KCNIP4: variants seen among roughly 807,000 people sequenced by gnomAD.
KCNIP4 encodes Kv channel-interacting protein 4.
KCNIP4 carries 12 observed loss-of-function variants against 34.0 expected under a neutral mutation model. The observed-to-expected ratio is 0.35, with a 90% CI of 0.23 to 0.57. The LOEUF (loss-of-function observed/expected upper bound fraction) is 0.57, where lower values mean the gene tolerates loss of function less well. Ranked by LOEUF, KCNIP4 falls within the 20% of genes least tolerant of loss-of-function variation. The pLI is 0.83. For synonymous variants in KCNIP4, 124 were observed against 102.2 expected (o/e 1.21, Z -1.29); for missense variants, 238 against 311.7 (o/e 0.76, Z 1.78).
intron 1 of KCNIP4, among the ~76,000 whole-genome samples, chr4:21,446,119 A>C (rs1445840588): frequency 6.6e-6 from 1 of 152,172 alleles, no homozygotes; most frequent in Non-Finnish European, 1.5e-5. Context: ...AAACGTCAGG[A>C]AACAACAGGT....
chr4:21,361,486 TA>T (rs35509719), intron 1 of KCNIP4, among the ~76,000 whole-genome samples: 3,981 of 149,472 alleles, frequency 0.027, 204 homozygotes, highest in East Asian at 0.2. Flanking sequence ...CAGTTAATAC[TA>T]AAAAAAAAAT....
chr4:21,872,473 A>G (rs921402411), intron 1 of KCNIP4, among the ~76,000 whole-genome samples: 2 of 152,204 alleles, frequency 1.3e-5, no homozygotes, highest in Non-Finnish European at 2.9e-5. Context: ...GATTGTAGGT[A>G]TGAATAGACT....
intron 1 of KCNIP4, among the ~76,000 whole-genome samples, chr4:21,753,461 A>G (rs1260820666): frequency 6.6e-6 from 1 of 152,186 alleles, no homozygotes; most frequent in Non-Finnish European, 1.5e-5. Flanking sequence ...CCTCAGGCAG[A>G]GTTTGGAACC....
intron 1 of KCNIP4, among the ~76,000 whole-genome samples, chr4:21,124,420 A>T (rs556519383): frequency 3.3e-5 from 5 of 152,108 alleles, no homozygotes; most frequent in African/African-American, 1.2e-4. Flanking sequence ...ATCTTGAGAA[A>T]TTTTTTCATC....
intron 1 of KCNIP4, among the ~76,000 whole-genome samples, chr4:21,114,179 C>G (rs1304158447): frequency 6.6e-6 from 1 of 152,162 alleles, no homozygotes. Context: ...AAGGCCTCCT[C>G]TTTTGTCTCT....
chr4:21,234,768 C>G (rs1759223830), intron 1 of KCNIP4, among the ~76,000 whole-genome samples: 2 of 151,394 alleles, frequency 1.3e-5, no homozygotes, highest in South Asian at 2.1e-4. Context: ...CTGCCTCAGC[C>G]TCCTGAGTAG....
At chr4:20,923,407 G>A (rs150874828) in intron 1 of KCNIP4, among the ~76,000 whole-genome samples, 1 of 152,158 alleles carries the variant, frequency 6.6e-6, no homozygotes, top group African/African-American at 2.4e-5. Flanking sequence ...TGAGAATGAG[G>A]TATCTGCAGT....
intron 3 of KCNIP4, among the ~76,000 whole-genome samples, chr4:20,781,224 C>A (rs1282000977): frequency 6.6e-6 from 1 of 152,154 alleles, no homozygotes; most frequent in Non-Finnish European, 1.5e-5. Context: ...AATTAATCTG[C>A]AAACACATTA....
chr4:21,889,571 G>A (rs1207875011), intron 1 of KCNIP4, among the ~76,000 whole-genome samples: 1 of 152,060 alleles, frequency 6.6e-6, no homozygotes, highest in African/African-American at 2.4e-5. Flanking sequence ...GAGGCCAGAG[G>A]TTTCTCTTGG....
chr4:20,775,033 T>G (rs1173722450), intron 3 of KCNIP4, among the ~76,000 whole-genome samples: 2 of 152,194 alleles, frequency 1.3e-5, no homozygotes, highest in Non-Finnish European at 2.9e-5. Flanking sequence ...CAGAGTTGAA[T>G]TTTTACCTCT....
rs1265377271 is a variant in KCNIP4, at chr4:20,945,766, A to G, written c.62-63057T>C. Among the ~76,000 whole-genome samples the G allele has an allele frequency of 2.6e-5, 4 of 152,120 alleles. No individual in the cohort carries two copies. The East Asian group carries it at 5.8e-4, about 22-fold the overall frequency. ...ATGGGCCCCCCAGGGACTCCCCGAC[A>G]TGTTTCCACTGTTAGAGTTCAGGCA... On this transcript the variant is annotated intron_variant, in intron 1 of 8. Coordinates refer to ENST00000382152, the MANE Select transcript of KCNIP4 (RefSeq NM_025221.6).
rs139569458 is a variant in KCNIP4, at chr4:21,023,529, T to C, written c.62-140820A>G. ...TTAAGAAAGGATCTGAATATAAATT[T>C]CTTCCAAAAGTATGCAAATGACCAA... On this transcript the variant is annotated intron_variant, in intron 1 of 8. Transcript: ENST00000382152. Among the ~76,000 whole-genome samples, 129 of 152,282 alleles carry C rather than the reference T, an allele frequency of 8.5e-4. 1 individual carries two copies. Among genetic ancestry groups the C allele is most frequent in the African/African-American group, 2.8e-3 (118 of 41,550 alleles).
In KCNIP4 at chr4:21,398,607, T is replaced by G. The variant is rs975169701; in HGVS notation, c.62-515898A>C. 9.2e-5 allele frequency among the ~76,000 whole-genome samples: 14 copies of G among 152,340 alleles called. No homozygotes were observed. In the East Asian group the frequency reaches 2.3e-3, roughly 25 times the overall value. On this transcript the variant is annotated intron_variant, in intron 1 of 8. Transcript: ENST00000382152. ...TACAGAGTGAAATTTATTCTTTAAATAGCTGTAGAGAATCTACAAAAGCAG... is the reference window on the plus strand; with the variant it reads ...TACAGAGTGAAATTTATTCTTTAAAGAGCTGTAGAGAATCTACAAAAGCAG...
intron 1 of KCNIP4, among the ~76,000 whole-genome samples, chr4:21,590,935 A>C (rs1462131075): frequency 6.6e-6 from 1 of 152,026 alleles, no homozygotes; most frequent in Non-Finnish European, 1.5e-5. Flanking sequence ...AATATTTCTC[A>C]GTGCAGAACC....
rs530962638 is a variant in KCNIP4 at position 21,693,393 on chromosome 4, T to G, written c.61+255178A>C. Among the ~76,000 whole-genome samples, 10 of 152,202 alleles carry G rather than the reference T, an allele frequency of 6.6e-5. No individual in the cohort carries two copies. The South Asian group carries it at 2.1e-3, about 32-fold the overall frequency. ...CTGGCCAACATGGCGAAACCTCGTC[T>G]CTAGTAAAAATACAAAAATTAGCAG... On this transcript the variant is annotated intron_variant, in intron 1 of 8. Coordinates refer to ENST00000382152, the MANE Select transcript of KCNIP4 (RefSeq NM_025221.6).
chr4:21,312,894 G>T (rs898722642), intron 1 of KCNIP4, among the ~76,000 whole-genome samples: 5 of 152,204 alleles, frequency 3.3e-5, no homozygotes, highest in African/African-American at 1.2e-4. Flanking sequence ...GTGAAGGGCA[G>T]AACTGATGTG....
chr4:21,746,220 A>T (rs983204503), intron 1 of KCNIP4, among the ~76,000 whole-genome samples: 4 of 152,302 alleles, frequency 2.6e-5, no homozygotes, highest in South Asian at 2.1e-4. Flanking sequence ...ATCTTCAAAT[A>T]TAGTATCATG....
chr4:21,339,897 C>T (rs758997961), intron 1 of KCNIP4, among the ~76,000 whole-genome samples: 9 of 152,082 alleles, frequency 5.9e-5, no homozygotes, highest in Non-Finnish European at 1.3e-4. Context: ...AAACCTTTTG[C>T]CTTTCTTATA....
At chr4:21,321,632 A>G (rs2109301864) in intron 1 of KCNIP4, among the ~76,000 whole-genome samples, 1 of 151,652 alleles carries the variant, frequency 6.6e-6, no homozygotes, top group Admixed American at 6.6e-5. Flanking sequence ...GAACAGGAGT[A>G]TGAGGAAGAA....
Sources: allele counts gnomAD v4.1 joint callset (sites outside exome capture counted in the v4.1 genomes callset), GRCh38; gene constraint gnomAD v4.1.1; transcripts MANE v1.5; gene names NCBI Gene and HGNC (gene_info 2026-07-23, HGNC 2026-07-21).